GDAP2: variants seen among roughly 807,000 people sequenced by gnomAD.
GDAP2 encodes ganglioside induced differentiation associated protein 2, also known as ganglioside-induced differentiation-associated protein 2.
GDAP2 carries 51 observed loss-of-function variants against 67.0 expected under a neutral mutation model. The ratio of observed to expected loss-of-function variants is 0.76; its 90% CI spans 0.61 to 0.96. The LOEUF is 0.96. Among genes scored for constraint, GDAP2 ranks in the 40% least tolerant of loss-of-function variants. GDAP2 has a pLI of 0.00. For missense variants in GDAP2, 547 were observed against 588.3 expected (o/e 0.93, Z 0.73); for synonymous variants, 203 against 207.3 (o/e 0.98, Z 0.18).
Position 117,878,008 on chromosome 1 carries a change from C to A in GDAP2, c.1446+1G>T, listed in dbSNP as rs758692930. 6.2e-7 allele frequency: 1 copy of A among 1,612,916 alleles called. No individual in the cohort carries two copies. Among genetic ancestry groups the A allele is most frequent in the Non-Finnish European group, 8.5e-7 (1 of 1,179,076 alleles). On this transcript the variant is annotated splice_donor_variant, in intron 13 of 13. Coordinates refer to ENST00000369443, the MANE Select transcript of GDAP2 (RefSeq NM_017686.4). LOFTEE classifies it high-confidence loss of function. ...GAGGGAGAACTTCTGGTACTTCTTA[C>A]CCTGGCATCATATTCAAGGACAAAA...
At position 117,902,844 on chromosome 1, in the gene GDAP2, G is replaced by A. The variant is rs138635663; in HGVS notation, c.637-3628C>T. On this transcript the variant is annotated intron_variant, in intron 6 of 13. Transcript: ENST00000369443. ...AATTAAGTCTGTAATATAATGTAGG[G>A]AGTATGGTCAGTACTGTTATCTTAA... 5.0e-4 allele frequency among the ~76,000 whole-genome samples: 76 copies of A among 152,310 alleles called. 2 individuals carry two copies. Among genetic ancestry groups the A allele is most frequent in the Admixed American group, 4.7e-3 (72 of 15,296 alleles).
chr1:117,888,971 AAC>A (rs974911130), intron 8 of GDAP2, among the ~76,000 whole-genome samples: 8 of 152,160 alleles, frequency 5.3e-5, no homozygotes, highest in Admixed American at 1.3e-4. Context: ...GCTTGTAAAA[AAC>A]ACAGTGTTAC....
chr1:117,896,790 C>G, intron 8 of GDAP2, 43 bp downstream of exon 8: 1 of 1,419,360 alleles, frequency 7.0e-7, no homozygotes, highest in South Asian at 1.4e-5. Context: ...TTTCTTGCTT[C>G]TGATGTCCTT....
At position 117,912,102 on chromosome 1, in the gene GDAP2, C is replaced by A. The variant is rs1269059603; in HGVS notation, c.471-20G>T. 1 of 1,419,466 alleles carries A rather than the reference C, an allele frequency of 7.0e-7. No homozygotes were observed. Among genetic ancestry groups the A allele is most frequent in the Non-Finnish European group, 1.0e-6 (1 of 1,002,792 alleles). The allele number at this position is 1,419,466 out of a possible 1,614,324, so 87.9% of individuals were successfully genotyped here. Reference sequence around the variant, plus strand: ...TGCTCTCTGCAACAAAGGGAAAACACAAAAATTGCACTAGAAATATCAGTA... The same window carrying A: ...TGCTCTCTGCAACAAAGGGAAAACAAAAAAATTGCACTAGAAATATCAGTA... On this transcript the variant is annotated intron_variant, in intron 4 of 13. Coordinates refer to ENST00000369443, the MANE Select transcript of GDAP2 (RefSeq NM_017686.4).
chr1:117,903,804 G>C (rs1204333948), intron 6 of GDAP2, among the ~76,000 whole-genome samples: 2 of 152,058 alleles, frequency 1.3e-5, no homozygotes, highest in Non-Finnish European at 2.9e-5. Context: ...GTAAAGAGAA[G>C]ACAAATGAAG....
chr1:117,876,352 G>A (rs1161821569), intron 13 of GDAP2, among the ~76,000 whole-genome samples: 1 of 152,090 alleles, frequency 6.6e-6, no homozygotes, highest in Non-Finnish European at 1.5e-5. Flanking sequence ...GTGAGTGGAA[G>A]CAGCCTGAGT....
At chr1:117,889,508 TCTCTGTTTTTC>T (rs931540712) in intron 8 of GDAP2, among the ~76,000 whole-genome samples, 38 of 152,064 alleles carry the variant, frequency 2.5e-4, no homozygotes, top group African/African-American at 8.4e-4. Context: ...ACCACTTTAT[TCTCTGTTTTTC>T]TGAGTTCAGT....
chr1:117,877,116 C>G (rs1648487792), intron 13 of GDAP2: 1 of 174,104 alleles, frequency 5.7e-6, no homozygotes, highest in Non-Finnish European at 1.1e-5. Context: ...CTCTGTATAA[C>G]AGCCAAATAT....
At position 117,899,109 on chromosome 1, in the gene GDAP2, A is replaced by T; in HGVS notation, c.744T>A (p.Pro248=). ...PADIGNAEGE[P]VVPERQIRIS... The stretch of plus-strand genomic sequence containing the variant: ...TTCTAATCTGTCGTTCAGGTACCAC[A>T]GGCTCCCCTTCTGCATTTCCAATAT... Residue 248 remains proline (P), a synonymous_variant, in exon 7 of 14, where the codon CCT becomes CCA. Coordinates refer to ENST00000369443, the MANE Select transcript of GDAP2 (RefSeq NM_017686.4). 1.9e-6 allele frequency: 3 copies of T among 1,612,950 alleles called. No homozygotes were observed. The highest frequency in any genetic ancestry group is 2.5e-6 in the Non-Finnish European group (3 of 1,178,918).
intron 13 of GDAP2, chr1:117,877,791 C>T (rs966824319): frequency 8.0e-7 from 1 of 1,249,698 alleles, no homozygotes; most frequent in African/African-American, 1.6e-5. Flanking sequence ...AGAGATCTCC[C>T]ACTGAAACGT....
At chr1:117,876,168 C>A (rs1648447342) in intron 13 of GDAP2, among the ~76,000 whole-genome samples, 1 of 152,044 alleles carries the variant, frequency 6.6e-6, no homozygotes, top group African/African-American at 2.4e-5. Context: ...TGGGGTGGGG[C>A]AGATCTCTCA....
At chr1:117,923,238 C>G (rs1297882211) in intron 1 of GDAP2, among the ~76,000 whole-genome samples, 1 of 152,102 alleles carries the variant, frequency 6.6e-6, no homozygotes, top group African/African-American at 2.4e-5. Context: ...ATCACAGGGT[C>G]CTGAGGTGAC....
At chr1:117,874,907 T>C (rs1648402237) in intron 13 of GDAP2, among the ~76,000 whole-genome samples, 1 of 152,184 alleles carries the variant, frequency 6.6e-6, no homozygotes, top group Admixed American at 6.5e-5. Context: ...GGCCAAACAA[T>C]ACTGGTACCC....
intron 8 of GDAP2, among the ~76,000 whole-genome samples, chr1:117,893,631 A>G (rs190391480): frequency 6.6e-6 from 1 of 152,338 alleles, no homozygotes; most frequent in Admixed American, 6.5e-5. Context: ...CCCGATTTAG[A>G]AATATCAAGA....
chr1:117,900,904 C>A (rs925021083), intron 6 of GDAP2, among the ~76,000 whole-genome samples: 4 of 150,578 alleles, frequency 2.7e-5, no homozygotes, highest in African/African-American at 9.8e-5. Context: ...ACTAAAAATA[C>A]AAAAAATTAG....
chr1:117,879,189 A>AT (rs1470003078), intron 12 of GDAP2, among the ~76,000 whole-genome samples: 3 of 152,196 alleles, frequency 2.0e-5, no homozygotes, highest in Non-Finnish European at 4.4e-5. Flanking sequence ...AGACACAGAC[A>AT]TAAATTTGAG....
rs1024253494 is a variant in GDAP2 at position 117,912,520 on chromosome 1, T to C, written c.470+10A>G. 2.5e-6 allele frequency: 4 copies of C among 1,609,282 alleles called. No homozygotes were observed. The highest frequency in any genetic ancestry group is 3.4e-6 in the Non-Finnish European group (4 of 1,176,456). On this transcript the variant is annotated intron_variant, in intron 4 of 13. Transcript: ENST00000369443. ...TGATATGCTATGTCCAGAAAATGAG[T>C]AGACCATACTTTGCTAGTTGAAGTA...
intron 8 of GDAP2, among the ~76,000 whole-genome samples, 194 bp from the exon 9 acceptor site, chr1:117,887,968 G>C (rs993244623): frequency 6.6e-6 from 1 of 152,030 alleles, no homozygotes; most frequent in African/African-American, 2.4e-5. Flanking sequence ...AAACACAAAT[G>C]AATTATTGAG....
At chr1:117,900,160 T>A (rs1421229293) in intron 6 of GDAP2, among the ~76,000 whole-genome samples, 1 of 152,194 alleles carries the variant, frequency 6.6e-6, no homozygotes, top group African/African-American at 2.4e-5. Flanking sequence ...TTCGTTTTCT[T>A]TTTTGAGATG....
Sources: allele counts gnomAD v4.1 joint callset (sites outside exome capture counted in the v4.1 genomes callset), GRCh38; gene constraint gnomAD v4.1.1; transcripts MANE v1.5; gene names NCBI Gene and HGNC (gene_info 2026-07-23, HGNC 2026-07-21).